Variants in PDE11A observed in about 807,000 individuals in gnomAD.
PDE11A encodes the protein phosphodiesterase 11A.
A neutral mutation model predicts 100.5 loss-of-function variants in PDE11A; 100 were observed. That is an observed-to-expected ratio of 1.00 (90% CI 0.85 to 1.18). The LOEUF is 1.18. Among genes scored for constraint, PDE11A ranks in the 50% most tolerant of loss-of-function variants. The pLI is 0.00. For missense variants in PDE11A, 1,141 were observed against 1,152.6 expected (o/e 0.99, Z 0.15); for synonymous variants, 381 against 420.8 (o/e 0.91, Z 1.16).
intron 2 of PDE11A, among the ~76,000 whole-genome samples, chr2:177,928,060 C>T (rs923311417): frequency 3.5e-5 from 5 of 144,000 alleles, no homozygotes; most frequent in Admixed American, 7.2e-5. Flanking sequence ...GCCGAGATCG[C>T]GCCATTGCAC....
intron 12 of PDE11A, among the ~76,000 whole-genome samples, chr2:177,719,968 T>A (rs2081501611): frequency 6.6e-6 from 1 of 151,810 alleles, no homozygotes; most frequent in South Asian, 2.1e-4. Flanking sequence ...GAAACTTACA[T>A]CTCCTAATGG....
At chr2:177,747,353 T>C (rs539427876) in intron 10 of PDE11A, among the ~76,000 whole-genome samples, 1 of 152,362 alleles carries the variant, frequency 6.6e-6, no homozygotes, top group African/African-American at 2.4e-5. Context: ...TGTTCTGACC[T>C]TGGTGCTCTA....
intron 2 of PDE11A, chr2:177,997,492 T>C (rs2086090391): frequency 3.7e-6 from 3 of 808,124 alleles, no homozygotes; most frequent in Admixed American, 3.5e-5. Flanking sequence ...GATCCTTGAT[T>C]AAAACATTGA....
At chr2:177,762,358 C>T (rs562580517) in intron 10 of PDE11A, among the ~76,000 whole-genome samples, 2 of 152,208 alleles carry the variant, frequency 1.3e-5, no homozygotes, top group Admixed American at 6.5e-5. Flanking sequence ...CATTTCCTGG[C>T]GTCACAGCTA....
intron 2 of PDE11A, among the ~76,000 whole-genome samples, chr2:177,965,858 T>C (rs1271715918): frequency 6.6e-6 from 1 of 152,210 alleles, no homozygotes; most frequent in African/African-American, 2.4e-5. Flanking sequence ...ACTGGTTCCA[T>C]ATGAATTTTA....
rs764851450 is a variant in PDE11A, at chr2:178,071,894, G to C, written c.544C>G (p.Leu182Val). Residue 182 changes from leucine (L) to valine (V), a missense_variant, in exon 1 of 20, where the codon CTG becomes GTG. Physicochemically the swap from Leu to Val is conservative, Grantham distance 32. Coordinates refer to ENST00000286063, the MANE Select transcript of PDE11A (RefSeq NM_016953.4). ...LSALLESRVN[L>V]PRYPPTAIDY... ...ATGGCTGTAGGGGGATACCGAGGCA[G>C]ATTCACTCTCGATTCCAGCAGCGCA... 2 of 1,613,818 alleles carry C rather than the reference G, an allele frequency of 1.2e-6. No individual in the cohort carries two copies. Among genetic ancestry groups the C allele is most frequent in the Non-Finnish European group, 1.7e-6 (2 of 1,179,726 alleles).
chr2:177,815,185 T>A (rs1424634777), intron 9 of PDE11A, among the ~76,000 whole-genome samples: 1 of 152,170 alleles, frequency 6.6e-6, no homozygotes, highest in Admixed American at 6.5e-5. Flanking sequence ...TGTTCTAAAT[T>A]CCTGTCCTTT....
intron 1 of PDE11A, among the ~76,000 whole-genome samples, chr2:178,023,324 A>G (rs548129636): frequency 3.1e-4 from 47 of 152,300 alleles, no homozygotes; most frequent in Middle Eastern, 3.4e-3. Flanking sequence ...CCAAAAAAAC[A>G]CACTTTAGAG....
intron 2 of PDE11A, among the ~76,000 whole-genome samples, chr2:177,985,254 G>A (rs940065707): frequency 6.6e-5 from 10 of 152,048 alleles, no homozygotes; most frequent in Non-Finnish European, 1.3e-4. Flanking sequence ...CTACTAAAAT[G>A]TCTACATGTC....
intron 5 of PDE11A, among the ~76,000 whole-genome samples, chr2:177,852,099 T>C (rs1468402550): frequency 6.6e-6 from 1 of 152,196 alleles, no homozygotes; most frequent in Non-Finnish European, 1.5e-5. Context: ...GACTTCCTCC[T>C]GAGCACCTCA....
At chr2:177,870,370 T>C (rs1225436922) in intron 5 of PDE11A, among the ~76,000 whole-genome samples, 2 of 152,214 alleles carry the variant, frequency 1.3e-5, no homozygotes, top group East Asian at 1.9e-4. Flanking sequence ...TTAACCAGCA[T>C]TTAAGTCCAA....
chr2:177,707,811 C>T (rs16865701), intron 13 of PDE11A, among the ~76,000 whole-genome samples: 17,431 of 152,150 alleles, frequency 0.11, 3,265 homozygotes, highest in African/African-American at 0.39. Context: ...CCTCTGTCAG[C>T]GCCATACACC....
At chr2:177,841,651 G>A (rs1296683113) in intron 5 of PDE11A, among the ~76,000 whole-genome samples, 1 of 152,210 alleles carries the variant, frequency 6.6e-6, no homozygotes, top group Non-Finnish European at 1.5e-5. Context: ...TATCTCATCT[G>A]TAATGATTGC....
intron 9 of PDE11A, among the ~76,000 whole-genome samples, chr2:177,797,404 G>A (rs909740024): frequency 1.3e-5 from 2 of 152,140 alleles, no homozygotes; most frequent in African/African-American, 4.8e-5. Flanking sequence ...CTTGTCAAAT[G>A]GGAATGATAC....
chr2:178,072,680 G>C lies in PDE11A; in HGVS notation c.-243C>G, dbSNP rs1000310852. The C allele has an allele frequency of 1.4e-5, 20 of 1,419,564 alleles. No individual in the cohort carries two copies. Among genetic ancestry groups the C allele is most frequent in the African/African-American group, 2.9e-5 (2 of 69,508 alleles). 87.9% of individuals were successfully genotyped at this position (1,419,564 alleles called of 1,614,324 possible). A position where few individuals can be genotyped will look rare whatever the true frequency, so the allele number is the denominator to read the frequency against. ...CTGCTCCGCACAGGTGCCCAGCACT[G>C]AGCTGCCGCCGCTGCCCCGGCTCCT... is the stretch of plus-strand genomic sequence containing the variant. On this transcript the variant is annotated 5_prime_UTR_variant, in exon 1 of 20. Coordinates refer to ENST00000286063, the MANE Select transcript of PDE11A (RefSeq NM_016953.4).
intron 2 of PDE11A, among the ~76,000 whole-genome samples, chr2:178,011,177 G>C (rs1055173535): frequency 1.3e-5 from 2 of 152,132 alleles, no homozygotes; most frequent in Admixed American, 6.6e-5. Flanking sequence ...CGGCATTTTA[G>C]GTAATGAGTT....
At chr2:177,842,462 G>A (rs977639515) in intron 5 of PDE11A, among the ~76,000 whole-genome samples, 1 of 152,208 alleles carries the variant, frequency 6.6e-6, no homozygotes, top group African/African-American at 2.4e-5. Flanking sequence ...TGTATGGTGG[G>A]AATAAAACTG....
rs901187365 is a variant in PDE11A at position 177,984,921 on chromosome 2, G to C, written c.1071+29381C>G. Reference sequence around the variant, plus strand: ...AGCCACAGTGCCTGAGGTCTACCCAGCTCCAAAGCTGACTGGCTTTATGGT... The same window carrying C: ...AGCCACAGTGCCTGAGGTCTACCCACCTCCAAAGCTGACTGGCTTTATGGT... On this transcript the variant is annotated intron_variant, in intron 2 of 19. Coordinates refer to ENST00000286063, the MANE Select transcript of PDE11A (RefSeq NM_016953.4). 6.6e-5 allele frequency among the ~76,000 whole-genome samples: 10 copies of C among 152,328 alleles called. No individual in the cohort carries two copies. The South Asian group carries it at 1.4e-3, about 22-fold the overall frequency.
intron 14 of PDE11A, among the ~76,000 whole-genome samples, chr2:177,699,675 C>T (rs554107272): frequency 1.1e-3 from 169 of 152,298 alleles, no homozygotes; most frequent in South Asian, 3.5e-3. Context: ...CAAACTTCCT[C>T]AAGCTATCTA....
Sources: allele counts gnomAD v4.1 joint callset (sites outside exome capture counted in the v4.1 genomes callset), GRCh38; gene constraint gnomAD v4.1.1; transcripts MANE v1.5; gene names NCBI Gene and HGNC (gene_info 2026-07-23, HGNC 2026-07-21).